Variants in ENTREP2 observed in about 807,000 individuals in gnomAD.
The protein encoded by ENTREP2 is protein ENTREP2.
chr15:29,356,268 G>GTA, the ENTREP2 span, among the ~76,000 whole-genome samples: 1,622 of 57,586 alleles, frequency 0.028, 73 homozygotes, highest in South Asian at 0.037. Flanking sequence ...GTGTGTGTGT[G>GTA]TATATATATA....
the ENTREP2 span, among the ~76,000 whole-genome samples, chr15:29,151,356 C>T: frequency 2.0e-5 from 3 of 152,154 alleles, no homozygotes; most frequent in Admixed American, 6.5e-5. Flanking sequence ...GATCTTCTAA[C>T]ACCTCTAAAC....
chr15:29,294,345 C>T, the ENTREP2 span, among the ~76,000 whole-genome samples: 1 of 152,232 alleles, frequency 6.6e-6, no homozygotes, highest in African/African-American at 2.4e-5. Flanking sequence ...CCTCAGCCCA[C>T]TCCCTGCTAA....
the ENTREP2 span, among the ~76,000 whole-genome samples, chr15:29,474,438 T>C: frequency 2.1e-4 from 32 of 152,150 alleles, no homozygotes; most frequent in Non-Finnish European, 3.8e-4. Context: ...ATGACTACGG[T>C]TCAGGTTCAT....
chr15:29,647,107 T>G, the ENTREP2 span, among the ~76,000 whole-genome samples: 29 of 152,320 alleles, frequency 1.9e-4, no homozygotes, highest in African/African-American at 6.7e-4. Flanking sequence ...TTTCTACACT[T>G]GACTTTCCTA....
chr15:29,349,701 C>A, the ENTREP2 span, among the ~76,000 whole-genome samples: 1 of 152,050 alleles, frequency 6.6e-6, no homozygotes, highest in African/African-American at 2.4e-5. Context: ...AGTTCGAGAC[C>A]AGCCTGGGCA....
the ENTREP2 span, among the ~76,000 whole-genome samples, chr15:29,567,106 C>T: frequency 2.0e-5 from 3 of 152,196 alleles, no homozygotes; most frequent in Admixed American, 2.0e-4. Flanking sequence ...CATCTATCCA[C>T]AAGGGAACTG....
chr15:29,132,474 C>T, the ENTREP2 span, among the ~76,000 whole-genome samples: 10 of 152,132 alleles, frequency 6.6e-5, no homozygotes, highest in South Asian at 2.1e-4. Flanking sequence ...GCCCTGCAGG[C>T]GGTCGTGCTG....
At chr15:29,545,618 C>T in the ENTREP2 span, among the ~76,000 whole-genome samples, 1 of 152,158 alleles carries the variant, frequency 6.6e-6, no homozygotes, top group African/African-American at 2.4e-5. Context: ...AGAGTAGGTA[C>T]ATGACTAGTC....
At chr15:29,280,462 A>G in the ENTREP2 span, among the ~76,000 whole-genome samples, 1 of 152,220 alleles carries the variant, frequency 6.6e-6, no homozygotes, top group African/African-American at 2.4e-5. Context: ...GTTGGACAGA[A>G]GGAGGTACAA....
the ENTREP2 span, among the ~76,000 whole-genome samples, chr15:29,370,585 C>T: frequency 8.8e-4 from 134 of 152,084 alleles, no homozygotes; most frequent in African/African-American, 3.1e-3. Flanking sequence ...AGATCAAGTG[C>T]ACCCTAGAAA....
the ENTREP2 span, among the ~76,000 whole-genome samples, chr15:29,638,051 G>A: frequency 6.6e-6 from 1 of 152,202 alleles, no homozygotes; most frequent in East Asian, 1.9e-4. Context: ...GCACCTAACT[G>A]CGTTGACCTT....
At chr15:29,219,815 G>T in the ENTREP2 span, among the ~76,000 whole-genome samples, 1 of 151,376 alleles carries the variant, frequency 6.6e-6, no homozygotes, top group African/African-American at 2.4e-5. Flanking sequence ...GCTAAGCTAT[G>T]AGGATGCAAA....
chr15:29,390,122 A>G, the ENTREP2 span, among the ~76,000 whole-genome samples: 1 of 152,172 alleles, frequency 6.6e-6, no homozygotes, highest in Non-Finnish European at 1.5e-5. Context: ...AGGGCGGTTG[A>G]TGTAAAAGCA....
chr15:29,194,722 T>C, the ENTREP2 span, among the ~76,000 whole-genome samples: 2 of 152,226 alleles, frequency 1.3e-5, no homozygotes, highest in Admixed American at 1.3e-4. Flanking sequence ...GAGACAGTGT[T>C]GTTTTTTCAC....
At chr15:29,545,013 G>C in the ENTREP2 span, among the ~76,000 whole-genome samples, 1 of 152,162 alleles carries the variant, frequency 6.6e-6, no homozygotes, top group Non-Finnish European at 1.5e-5. Flanking sequence ...ATATACAACT[G>C]AGACTGCACA....
At chr15:29,248,389 T>G in the ENTREP2 span, among the ~76,000 whole-genome samples, 2 of 152,148 alleles carry the variant, frequency 1.3e-5, no homozygotes, top group Non-Finnish European at 2.9e-5. Flanking sequence ...TTTCTACTTT[T>G]CTGACAAAAA....
At chr15:29,484,227 G>C in the ENTREP2 span, among the ~76,000 whole-genome samples, 1 of 152,160 alleles carries the variant, frequency 6.6e-6, no homozygotes, top group Non-Finnish European at 1.5e-5. Flanking sequence ...AAAACAGAAA[G>C]CTACCCTATG....
the ENTREP2 span, chr15:29,136,399 G>C: frequency 6.5e-7 from 1 of 1,530,344 alleles, no homozygotes; most frequent in Non-Finnish European, 8.8e-7. Flanking sequence ...CCACCGCCTC[G>C]TACGGAGGGG....
chr15:29,317,602 A>C, the ENTREP2 span, among the ~76,000 whole-genome samples: 1 of 152,208 alleles, frequency 6.6e-6, no homozygotes, highest in Non-Finnish European at 1.5e-5. Context: ...GGCTTATTAA[A>C]ATGCTTGAGT....
Sources: gnomAD v4.1 joint callset for allele counts (sites outside exome capture counted in the v4.1 genomes callset) on GRCh38, gnomAD v4.1.1 for gene constraint, MANE v1.5 for transcripts, NCBI Gene and HGNC (gene_info 2026-07-23, HGNC 2026-07-21) for gene names.